SLC25A13: variants seen among roughly 807,000 people sequenced by gnomAD.
SLC25A13 encodes solute carrier family 25 member 13.
A neutral mutation model predicts 85.5 loss-of-function variants in SLC25A13; 70 were observed. The observed-to-expected ratio is 0.82, with a 90% CI of 0.68 to 1.00. The LOEUF (loss-of-function observed/expected upper bound fraction) is 1.00, where lower values mean the gene tolerates loss of function less well. Among genes scored for constraint, SLC25A13 ranks in the 50% least tolerant of loss-of-function variants. SLC25A13 has a pLI of 0.00. For synonymous variants in SLC25A13, 259 were observed against 288.7 expected, an observed-to-expected ratio of 0.90 and a Z score of 1.04; for missense variants, 765 against 819.8, an observed-to-expected ratio of 0.93 and a Z score of 0.82.
In SLC25A13 at chr7:96,186,397, C is replaced by A. The variant is rs1253925073; in HGVS notation, c.934-1386G>T. 2.0e-5 allele frequency among the ~76,000 whole-genome samples: 3 copies of A among 152,220 alleles called. No individual in the cohort carries two copies. In the East Asian group the frequency reaches 5.8e-4, roughly 29 times the overall value. ...TGAGCCAAGATCGCGCCACTGCACTCCAGCCTGGGCAAGAAGAGTGAAACT... is the reference window on the plus strand; with the variant it reads ...TGAGCCAAGATCGCGCCACTGCACTACAGCCTGGGCAAGAAGAGTGAAACT... On this transcript the variant is annotated intron_variant, in intron 9 of 17. Coordinates refer to ENST00000265631, the MANE Select transcript of SLC25A13 (RefSeq NM_014251.3).
intron 5 of SLC25A13, among the ~76,000 whole-genome samples, chr7:96,199,328 C>A (rs1419683675): frequency 1.3e-5 from 2 of 152,136 alleles, no homozygotes; most frequent in African/African-American, 4.8e-5. Context: ...TGGGTGAGAT[C>A]ATCCCACAGT....
chr7:96,244,591 G>A (rs939080561), intron 3 of SLC25A13, among the ~76,000 whole-genome samples: 2 of 152,084 alleles, frequency 1.3e-5, no homozygotes, highest in African/African-American at 4.8e-5. Context: ...TGCTTTTCTC[G>A]GATGCCTTTC....
rs67556510 is a variant in SLC25A13 at position 96,317,805 on chromosome 7, A to ATTT, written c.15+4134_15+4136dup. Among the ~76,000 whole-genome samples, 6 of 144,236 alleles carry ATTT rather than the reference A, an allele frequency of 4.2e-5. 1 individual carries two copies. The highest frequency in any genetic ancestry group is 4.5e-5 in the Non-Finnish European group (3 of 66,402). 94.6% of individuals were successfully genotyped at this position (144,236 alleles called of 152,430 possible). ...TTATTTTATTATTTTATTTTACTTT[A>ATTT]TTTTATTTTTTTTTGAGACAGGATC... is the stretch of plus-strand genomic sequence containing the variant. On this transcript the variant is annotated intron_variant, in intron 1 of 17. Coordinates refer to ENST00000265631, the MANE Select transcript of SLC25A13 (RefSeq NM_014251.3).
At chr7:96,157,076 A>C (rs1053177359) in intron 13 of SLC25A13, among the ~76,000 whole-genome samples, 2 of 152,124 alleles carry the variant, frequency 1.3e-5, no homozygotes, top group African/African-American at 4.8e-5. Context: ...GATCTTCATA[A>C]ATTCACCTTT....
chr7:96,295,081 G>T (rs1001041982), intron 2 of SLC25A13, among the ~76,000 whole-genome samples: 2 of 152,174 alleles, frequency 1.3e-5, no homozygotes, highest in Non-Finnish European at 2.9e-5. Context: ...TTCAGACCAG[G>T]TGTGGTGGCT....
chr7:96,281,485 G>A (rs1158561981), intron 2 of SLC25A13, among the ~76,000 whole-genome samples: 1 of 151,610 alleles, frequency 6.6e-6, no homozygotes, highest in Non-Finnish European at 1.5e-5. Flanking sequence ...AGAAAACCTA[G>A]CGTATAATTC....
At chr7:96,301,632 G>T (rs1363419158) in intron 1 of SLC25A13, among the ~76,000 whole-genome samples, 42 of 138,124 alleles carry the variant, frequency 3.0e-4, no homozygotes, top group Middle Eastern at 3.7e-3. Flanking sequence ...TTGGTGTTTT[G>T]TTTTTTTTTT....
At chr7:96,299,675 C>T (rs926232500) in intron 1 of SLC25A13, among the ~76,000 whole-genome samples, 18 of 152,170 alleles carry the variant, frequency 1.2e-4, no homozygotes, top group Non-Finnish European at 2.5e-4. Flanking sequence ...CAATATAATA[C>T]AGTCATGCAT....
intron 1 of SLC25A13, among the ~76,000 whole-genome samples, chr7:96,320,498 C>A (rs994334070): frequency 3.3e-5 from 5 of 152,120 alleles, no homozygotes; most frequent in African/African-American, 1.2e-4. Flanking sequence ...AAGCCTTGTA[C>A]CTTGGTTGCA....
chr7:96,203,064 G>A (rs1214183298), intron 5 of SLC25A13, among the ~76,000 whole-genome samples: 6 of 152,110 alleles, frequency 3.9e-5, no homozygotes, highest in East Asian at 1.9e-4. Flanking sequence ...CCTTGGTCAC[G>A]TTCCTCTCCA....
chr7:96,294,490 T>C (rs1157917565), intron 2 of SLC25A13, among the ~76,000 whole-genome samples: 1 of 151,508 alleles, frequency 6.6e-6, no homozygotes, highest in Non-Finnish European at 1.5e-5. Flanking sequence ...ATGCCTATAA[T>C]CCCAGCTACT....
intron 13 of SLC25A13, among the ~76,000 whole-genome samples, chr7:96,155,535 A>G (rs1793228078): frequency 6.8e-6 from 1 of 146,076 alleles, no homozygotes; most frequent in African/African-American, 2.8e-5. Flanking sequence ...TCAGCCCTCT[A>G]ACAATGTACA....
chr7:96,303,147 C>T (rs750460248), intron 1 of SLC25A13, among the ~76,000 whole-genome samples: 23 of 152,088 alleles, frequency 1.5e-4, no homozygotes, highest in Non-Finnish European at 3.1e-4. Flanking sequence ...GAGGCCCAAC[C>T]TCAGCTGCTA....
intron 11 of SLC25A13, among the ~76,000 whole-genome samples, chr7:96,176,316 A>G (rs1794219680): frequency 6.6e-6 from 1 of 152,242 alleles, no homozygotes; most frequent in South Asian, 2.1e-4. Context: ...CACTTTAACC[A>G]TTTGAAACAG....
At chr7:96,289,371 G>A (rs562463181) in intron 2 of SLC25A13, among the ~76,000 whole-genome samples, 25 of 152,134 alleles carry the variant, frequency 1.6e-4, no homozygotes, top group Non-Finnish European at 2.6e-4. Flanking sequence ...CCAAAGGAAC[G>A]CAGCTCCTCA....
intron 13 of SLC25A13, among the ~76,000 whole-genome samples, chr7:96,153,125 T>C (rs1343449258): frequency 6.6e-6 from 1 of 152,206 alleles, no homozygotes; most frequent in Non-Finnish European, 1.5e-5. Context: ...AGGTAGAACA[T>C]GAAGAGTTTG....
chr7:96,134,224 C>T (rs759902144), intron 14 of SLC25A13, among the ~76,000 whole-genome samples: 9 of 151,782 alleles, frequency 5.9e-5, no homozygotes, highest in African/African-American at 7.3e-5. Flanking sequence ...TTAGTAGAGA[C>T]GGGGTTTCAC....
chr7:96,304,300 C>CA (rs1412286693), intron 1 of SLC25A13, among the ~76,000 whole-genome samples: 3 of 152,164 alleles, frequency 2.0e-5, no homozygotes, highest in Admixed American at 6.5e-5. Flanking sequence ...TATAAAGTAT[C>CA]AGACACCACA....
intron 1 of SLC25A13, among the ~76,000 whole-genome samples, chr7:96,307,898 TCCCAGCA>T (rs1799812509): frequency 6.6e-6 from 1 of 151,924 alleles, no homozygotes; most frequent in African/African-American, 2.4e-5. Flanking sequence ...ACGCCTGTAA[TCCCAGCA>T]CTTTGGGAGG....
Sources: allele counts gnomAD v4.1 joint callset (sites outside exome capture counted in the v4.1 genomes callset), GRCh38; gene constraint gnomAD v4.1.1; transcripts MANE v1.5; gene names NCBI Gene and HGNC (gene_info 2026-07-23, HGNC 2026-07-21).